The following DENND2B variants were observed in gnomAD, a reference collection of about 807,000 sequenced individuals.
DENND2B encodes the protein DENN domain-containing protein 2B.
In DENND2B, 32 loss-of-function variants were observed where a neutral mutation model predicts 116.0. The observed-to-expected ratio is 0.28, with a 90% CI of 0.21 to 0.37. DENND2B has a LOEUF of 0.37. Among genes scored for constraint, DENND2B ranks in the 10% least tolerant of loss-of-function variants. The probability of loss-of-function intolerance (pLI) is 1.00; values close to 1 mark genes in which losing one functional copy is unlikely to be tolerated. For missense variants in DENND2B, 1,276 were observed against 1,477.7 expected, an observed-to-expected ratio of 0.86 and a Z score of 2.24; for synonymous variants, 588 against 583.9, an observed-to-expected ratio of 1.01 and a Z score of -0.10.
chr11:8,847,714 A>T (rs1211326021), intron 3 of DENND2B, among the ~76,000 whole-genome samples: 1 of 152,230 alleles, frequency 6.6e-6, no homozygotes, highest in Admixed American at 6.5e-5. Flanking sequence ...TGCTGGCTGC[A>T]AAAGAAACAG....
At position 8,776,592 on chromosome 11, in the gene DENND2B, G is replaced by A. The variant is rs575999266; in HGVS notation, c.-25-25867C>T. ...CACTTGTAGGGGTAAGGTGAGGGCA[G>A]CACATGAAACCCAGCTAGATGGGGT... On this transcript the variant is annotated intron_variant, in intron 1 of 19. Coordinates refer to ENST00000313726, the MANE Select transcript of DENND2B (RefSeq NM_213618.2). 16 of 226,970 alleles carry A rather than the reference G, an allele frequency of 7.0e-5. No homozygotes were observed. The South Asian group carries it at 1.0e-3, about 15-fold the overall frequency. The allele number at this position is 226,970 out of a possible 1,614,324, so 14.1% of individuals were successfully genotyped here. A position where few individuals can be genotyped will look rare whatever the true frequency, so the allele number is the denominator to read the frequency against.
chr11:8,861,336 G>GA (rs1435162539), intron 2 of DENND2B, among the ~76,000 whole-genome samples: 1 of 151,672 alleles, frequency 6.6e-6, no homozygotes, highest in Non-Finnish European at 1.5e-5. Flanking sequence ...AATTCAGCAA[G>GA]AAAAAAACAC....
At chr11:8,793,418 A>G (rs1184452321) in intron 1 of DENND2B, among the ~76,000 whole-genome samples, 4 of 152,204 alleles carry the variant, frequency 2.6e-5, no homozygotes, top group Admixed American at 2.6e-4. Flanking sequence ...TAGATATTTT[A>G]TATAAGCAGA....
At chr11:8,856,994 T>C (rs1007151015) in intron 3 of DENND2B, among the ~76,000 whole-genome samples, 1 of 152,122 alleles carries the variant, frequency 6.6e-6, no homozygotes, top group Non-Finnish European at 1.5e-5. Flanking sequence ...CTCAAGCAAT[T>C]CTCCTGCCTC....
chr11:8,862,947 G>A (rs1449308718), intron 2 of DENND2B, among the ~76,000 whole-genome samples: 2 of 152,080 alleles, frequency 1.3e-5, no homozygotes, highest in Non-Finnish European at 2.9e-5. Flanking sequence ...AACCTAACCT[G>A]AAATAGACAA....
rs752782283 is a variant in DENND2B, at chr11:8,730,288, A to G, written c.1002T>C (p.Ala334=). Residue 334 remains alanine, a synonymous_variant, in exon 3 of 20, where the codon GCT becomes GCC. Transcript: ENST00000313726. The surrounding 1 kb of genome is among the most constrained non-coding windows in gnomAD (Gnocchi z 4.1). ...EEPAGGASVS[A]GSRAVGVAGV... The stretch of plus-strand genomic sequence containing the variant: ...CAGCCACTCCGACTGCCCGGCTGCC[A>G]GCGCTCACACTCGCGCCCCCTGCCG... 2.5e-5 allele frequency: 40 copies of G among 1,608,202 alleles called. No individual in the cohort carries two copies. Among genetic ancestry groups the G allele is most frequent in the Middle Eastern group, 1.6e-4 (1 of 6,074 alleles).
In DENND2B at chr11:8,714,875, C is replaced by CT. The variant is rs2044434047; in HGVS notation, c.1846-170_1846-169insA. 4 of 597,726 alleles carry CT rather than the reference C, an allele frequency of 6.7e-6. No homozygotes were observed. In the Admixed American group the frequency reaches 1.2e-4, roughly 17 times the overall value. The allele number at this position is 597,726 out of a possible 1,614,324, so 37.0% of individuals were successfully genotyped here. On this transcript the variant is annotated intron_variant, in intron 6 of 19. Coordinates refer to ENST00000313726, the MANE Select transcript of DENND2B (RefSeq NM_213618.2). Reference sequence around the variant, plus strand: ...AGAACCGACCTCAAGTGGTGACTCACCAGCCATGCATGGTAGCTCTCCATA... The same window carrying CT: ...AGAACCGACCTCAAGTGGTGACTCACTCAGCCATGCATGGTAGCTCTCCATA...
intron 15 of DENND2B, 24 bp downstream of exon 15, chr11:8,699,189 C>A (rs753520007): frequency 1.3e-6 from 2 of 1,541,434 alleles, no homozygotes; most frequent in Admixed American, 2.2e-5. Flanking sequence ...CCCTTCCCCC[C>A]AGCTGGTTCC....
At chr11:8,907,820 C>T (rs1589898579) in intron 1 of DENND2B, among the ~76,000 whole-genome samples, 1 of 152,070 alleles carries the variant, frequency 6.6e-6, no homozygotes, top group South Asian at 2.1e-4. Context: ...CTCAACCTCC[C>T]GAGTAGCTAG....
chr11:8,717,657 G>GATCTCGGTGGTCGCCGTATCATTAAAA, intron 5 of DENND2B, 84 bp downstream of exon 5: 3 of 1,456,468 alleles, frequency 2.1e-6, no homozygotes, highest in Admixed American at 2.4e-5. Context: ...AGCCTGAGTG[G>GATCTCGGTGGTCGCCGTATCATTAAAA]AAGCTGGGCC....
chr11:8,741,994 G>A (rs970221011), intron 2 of DENND2B, among the ~76,000 whole-genome samples: 6 of 152,196 alleles, frequency 3.9e-5, no homozygotes, highest in Non-Finnish European at 2.9e-5. Flanking sequence ...GGGCTCAAGC[G>A]AGCCTCCCGC....
intron 1 of DENND2B, chr11:8,774,230 CCCTA>C (rs1180112969): frequency 3.0e-6 from 3 of 985,340 alleles, no homozygotes; most frequent in Middle Eastern, 5.2e-4. Context: ...CACCCTTCAG[CCCTA>C]CCTGTCTTTA....
chr11:8,764,680 G>C (rs569323887), intron 1 of DENND2B, among the ~76,000 whole-genome samples: 1 of 152,210 alleles, frequency 6.6e-6, no homozygotes, highest in East Asian at 1.9e-4. Flanking sequence ...TAAAGAATTA[G>C]AAAAGGGGCT....
intron 1 of DENND2B, among the ~76,000 whole-genome samples, chr11:8,796,261 A>G (rs3844100): frequency 0.63 from 95,128 of 152,086 alleles, 30,186 homozygotes; most frequent in Non-Finnish European, 0.68. Flanking sequence ...AGAAGTATGG[A>G]CCGGACACAG....
At chr11:8,756,582 C>G (rs1319404804) in intron 1 of DENND2B, among the ~76,000 whole-genome samples, 1 of 152,246 alleles carries the variant, frequency 6.6e-6, no homozygotes, top group Non-Finnish European at 1.5e-5. Flanking sequence ...TCCCCACCAA[C>G]TGCTCTCTCT....
In DENND2B at chr11:8,693,911, G is replaced by A. The variant is rs954130674; in HGVS notation, c.*185C>T. ...TTTGCTTGTTACAAAAAACAGTTAA[G>A]AAAGCTTACAGCAGATTATTTACAA... On this transcript the variant is annotated 3_prime_UTR_variant, in exon 20 of 20. Transcript: ENST00000313726. The A allele has an allele frequency of 3.0e-5, 17 of 559,108 alleles. No homozygotes were observed. Among genetic ancestry groups the A allele is most frequent in the Middle Eastern group, 4.6e-4 (1 of 2,168 alleles). The allele number at this position is 559,108 out of a possible 1,614,324, so 34.6% of individuals were successfully genotyped here.
Position 8,707,606 on chromosome 11 carries a change from A to AC in DENND2B, c.2430+170dup, listed in dbSNP as rs2042832706. On this transcript the variant is annotated intron_variant, in intron 12 of 19. Coordinates refer to ENST00000313726, the MANE Select transcript of DENND2B (RefSeq NM_213618.2). The surrounding 1 kb of genome is among the most constrained non-coding windows in gnomAD (Gnocchi z 4.8). ...GAAATGCCAGCCAGCTGGGTAGAGA[A>AC]CCAGGCCGGGGAATGGGAGGGTGTC... 1.3e-5 allele frequency among the ~76,000 whole-genome samples: 2 copies of AC among 152,190 alleles called. No individual in the cohort carries two copies. Among genetic ancestry groups the AC allele is most frequent in the Non-Finnish European group, 2.9e-5 (2 of 68,022 alleles).
rs550077325 is a variant in DENND2B at position 8,729,996 on chromosome 11, G to C, written c.1294C>G (p.Arg432Gly). The C allele has an allele frequency of 1.5e-5, 25 of 1,614,136 alleles. No individual in the cohort carries two copies. The South Asian group carries it at 2.4e-4, about 16-fold the overall frequency. Residue 432 changes from arginine to glycine, a missense_variant, in exon 3 of 20, where the codon CGG (arginine) becomes GGG (glycine). This residue lies in a region of DENND2B where 856 missense variants were observed against 846.6 expected (regional missense o/e 1.01). Coordinates refer to ENST00000313726, the MANE Select transcript of DENND2B (RefSeq NM_213618.2). ...LPSTPAPPVT[R>G]RPKKDMRGHR... ...CCACGCATGTCCTTCTTGGGTCTCC[G>C]GGTGACTGGCGGGGCTGGGGTGGAG...
chr11:8,695,641 C>CA (rs1289871298), intron 18 of DENND2B, 92 bp from the exon 19 acceptor site: 29 of 1,070,518 alleles, frequency 2.7e-5, no homozygotes, highest in Non-Finnish European at 3.6e-5. Context: ...GCACAGATGC[C>CA]AAAAAAGGAG....
Sources: allele counts gnomAD v4.1 joint callset (sites outside exome capture counted in the v4.1 genomes callset), GRCh38; gene constraint gnomAD v4.1.1; regional missense constraint gnomAD v4.1.1; non-coding constraint Gnocchi (gnomAD v3.1); transcripts MANE v1.5; gene names NCBI Gene and HGNC (gene_info 2026-07-23, HGNC 2026-07-21).